Variants in ANKRD54 observed in about 807,000 individuals in gnomAD.
The protein encoded by ANKRD54 is ankyrin repeat domain-containing protein 54.
In ANKRD54, 26 loss-of-function variants were observed where a neutral mutation model predicts 36.2. The ratio of observed to expected loss-of-function variants is 0.72; its 90% CI spans 0.53 to 1.00. The LOEUF (loss-of-function observed/expected upper bound fraction) is 1.00. Ranked by LOEUF, ANKRD54 falls within the 50% of genes least tolerant of loss-of-function variation. ANKRD54 has a pLI of 0.00. For synonymous variants in ANKRD54, 209 were observed against 188.4 expected (o/e 1.11, Z -0.89); for missense variants, 384 against 424.3 (o/e 0.91, Z 0.83).
chr22:37,845,726 G>T (rs1924799698), upstream of ANKRD54, among the ~76,000 whole-genome samples: 3 of 152,050 alleles, frequency 2.0e-5, no homozygotes, highest in African/African-American at 7.2e-5. Flanking sequence ...AAAATTAGCT[G>T]GGTGTGGTGG....
chr22:37,847,585 C>G, upstream of ANKRD54: 1 of 460,008 alleles, frequency 2.2e-6, no homozygotes, highest in South Asian at 1.8e-5. Flanking sequence ...TAGATCAGAT[C>G]TCTTTCACTG....
intron 3 of ANKRD54, among the ~76,000 whole-genome samples, chr22:37,836,161 A>G (rs1287634864): frequency 6.8e-6 from 1 of 146,638 alleles, no homozygotes; most frequent in Admixed American, 6.7e-5. Context: ...AAATGGACAA[A>G]AGAGGCCAGG....
At chr22:37,835,933 G>A (rs542437905) in intron 3 of ANKRD54, among the ~76,000 whole-genome samples, 11 of 152,002 alleles carry the variant, frequency 7.2e-5, no homozygotes, top group South Asian at 2.1e-4. Context: ...TCCGCCTCCC[G>A]GCTTCACACC....
chr22:37,836,553 A>G (rs572652816), intron 3 of ANKRD54, among the ~76,000 whole-genome samples: 1 of 150,948 alleles, frequency 6.6e-6, no homozygotes. Flanking sequence ...GGAACATCAC[A>G]TACCAGGGCC....
At chr22:37,832,073 G>A (rs1922952754) in intron 7 of ANKRD54, 56 bp from the exon 8 acceptor site, 7 of 1,532,116 alleles carry the variant, frequency 4.6e-6, no homozygotes, top group Non-Finnish European at 6.2e-6. Context: ...AGGGCTCCTG[G>A]GTCTCTTCCA....
chr22:37,835,149 G>C (rs1197344629), intron 3 of ANKRD54, among the ~76,000 whole-genome samples: 1 of 152,126 alleles, frequency 6.6e-6, no homozygotes, highest in Non-Finnish European at 1.5e-5. Flanking sequence ...GATCATCGGA[G>C]GTCAGGAGTT....
chr22:37,832,441 C>T (rs1057205847), intron 7 of ANKRD54, among the ~76,000 whole-genome samples, 196 bp downstream of exon 7: 3 of 152,142 alleles, frequency 2.0e-5, no homozygotes, highest in African/African-American at 4.8e-5. Context: ...CAGCTCACTG[C>T]AGCCTCGAAC....
chr22:37,845,285 G>T (rs1305837500), upstream of ANKRD54, among the ~76,000 whole-genome samples: 3 of 152,152 alleles, frequency 2.0e-5, no homozygotes, highest in South Asian at 6.2e-4. Flanking sequence ...CTGGACACAG[G>T]ATCAGACTTG....
At chr22:37,838,876 G>T (rs1044585174) in intron 2 of ANKRD54, among the ~76,000 whole-genome samples, 4 of 152,104 alleles carry the variant, frequency 2.6e-5, no homozygotes, top group African/African-American at 7.2e-5. Context: ...AAATTTTAGG[G>T]TCACAGGAAT....
intron 3 of ANKRD54, among the ~76,000 whole-genome samples, chr22:37,836,751 G>A (rs1010713001): frequency 1.6e-4 from 24 of 151,352 alleles, no homozygotes; most frequent in Admixed American, 4.6e-4. Context: ...AAAATGGCCC[G>A]GGCATGGTGG....
rs755470303 is a variant in ANKRD54 at position 37,832,642 on chromosome 22, C to G, written c.823G>C (p.Glu275Gln). ...GGCCTGTGGCTGCAGCTCACCTGCT[C>G]TTTGGTACTGGTCATCTGCAGGCGG... ...CTRLQMTSTKEQVDEVTDLLA... is the reference protein window; with the variant it reads ...CTRLQMTSTKQQVDEVTDLLA... Residue 275 changes from glutamate to glutamine, a missense_variant, in exon 7 of 8, where the codon GAG becomes CAG. By Grantham distance (29) the Glu-to-Gln change is conservative. Coordinates refer to ENST00000215941, the MANE Select transcript of ANKRD54 (RefSeq NM_138797.4). 2 of 1,614,020 alleles carry G rather than the reference C, an allele frequency of 1.2e-6. No individual in the cohort carries two copies. The highest frequency in any genetic ancestry group is 4.5e-5 in the East Asian group (2 of 44,886).
At chr22:37,837,770 C>T (rs1426504534) in intron 3 of ANKRD54, among the ~76,000 whole-genome samples, 3 of 152,052 alleles carry the variant, frequency 2.0e-5, no homozygotes, top group African/African-American at 7.2e-5. Flanking sequence ...AGGTGGATCA[C>T]GAGGTCAGGA....
chr22:37,833,658 G>C (rs1923175681), intron 4 of ANKRD54, 26 bp downstream of exon 4: 1 of 1,612,786 alleles, frequency 6.2e-7, no homozygotes, highest in Admixed American at 1.7e-5. Flanking sequence ...CAAATGAGTT[G>C]TCTTAGTGAC....
At chr22:37,842,053 G>A (rs1924343168) in intron 1 of ANKRD54, among the ~76,000 whole-genome samples, 3 of 151,436 alleles carry the variant, frequency 2.0e-5, no homozygotes, top group Admixed American at 2.0e-4. Flanking sequence ...AAAAAAGAAA[G>A]AAAAAATATT....
At chr22:37,845,576 G>A (rs1230370767), upstream of ANKRD54, among the ~76,000 whole-genome samples, 3 of 152,074 alleles carry the variant, frequency 2.0e-5, no homozygotes, top group African/African-American at 7.2e-5. Context: ...ACTCAACCCA[G>A]TTAAAATGTA....
intron 7 of ANKRD54, 117 bp downstream of exon 7, chr22:37,832,519 CG>C (rs1274708691): frequency 1.1e-6 from 1 of 880,960 alleles, no homozygotes; most frequent in Non-Finnish European, 1.8e-6. Context: ...TGAGCCCCTG[CG>C]GCTGGCCCCA....
rs188453851 is a variant in ANKRD54 at position 37,839,623 on chromosome 22, G to A, written c.376+564C>T. ...AGGATGGTCTCGATCTCCTAACCTC[G>A]TGATCTGCCCAGCTCGGCCTCCCAA... On this transcript the variant is annotated intron_variant, in intron 2 of 7. Transcript: ENST00000215941. 2.0e-3 allele frequency among the ~76,000 whole-genome samples: 307 copies of A among 152,228 alleles called. 1 individual carries two copies. Among genetic ancestry groups the A allele is most frequent in the African/African-American group, 6.9e-3 (286 of 41,536 alleles).
At chr22:37,841,621 G>C (rs1302701334) in intron 1 of ANKRD54, among the ~76,000 whole-genome samples, 2 of 151,814 alleles carry the variant, frequency 1.3e-5, no homozygotes, top group Non-Finnish European at 1.5e-5. Context: ...AGGCCAAGGT[G>C]GGTGGATCAC....
Position 37,843,957 on chromosome 22 carries a change from A to C in ANKRD54, c.282T>G (p.Ala94=). 7.1e-7 allele frequency: 1 copy of C among 1,399,316 alleles called. No individual in the cohort carries two copies. Among genetic ancestry groups the C allele is most frequent in the Non-Finnish European group, 9.3e-7 (1 of 1,079,234 alleles). 86.7% of individuals were successfully genotyped at this position (1,399,316 alleles called of 1,614,324 possible). A position where few individuals can be genotyped will look rare whatever the true frequency, so the allele number is the denominator to read the frequency against. ...GCCCGAGCCGCCGGTGGGGCCTGGC[A>C]GCGCGCCTCAGCCGGCCAGCGGGTA... ...CKIPAGRLRR[A]ARPHRRLGPT... is the part of the protein sequence containing the mutation. The change falls in exon 1 of 8, where the codon GCT becomes GCG. Residue 94 remains alanine (A), a synonymous_variant. Transcript: ENST00000215941.
Sources: gnomAD v4.1 joint callset for allele counts (sites outside exome capture counted in the v4.1 genomes callset) on GRCh38, gnomAD v4.1.1 for gene constraint, MANE v1.5 for transcripts, NCBI Gene and HGNC (gene_info 2026-07-23, HGNC 2026-07-21) for gene names.